DDB1: variants seen among roughly 807,000 people sequenced by gnomAD.
DDB1 encodes the protein DNA damage-binding protein 1.
Under a neutral mutation model 133.1 loss-of-function variants are expected in DDB1, and 18 were observed. That is an observed-to-expected ratio of 0.14 (90% CI 0.09 to 0.20). The LOEUF is 0.20. DDB1 is among the 10% of genes least tolerant of loss of function. The pLI is 1.00. For missense variants in DDB1, 828 were observed against 1,459.2 expected (o/e 0.57, Z 7.05); for synonymous variants, 580 against 550.5 (o/e 1.05, Z -0.75).
At chr11:61,323,134 C>T in intron 7 of DDB1, 40 bp from the exon 8 acceptor site, 1 of 1,537,868 alleles carries the variant, frequency 6.5e-7, no homozygotes. Context: ...TGAGAATGGA[C>T]CCTACGTGGG....
intron 25 of DDB1, 78 bp downstream of exon 25, chr11:61,302,179 C>G: frequency 7.9e-7 from 1 of 1,260,608 alleles, no homozygotes; most frequent in Non-Finnish European, 1.2e-6. Flanking sequence ...CATGTAGTAG[C>G]TTCCGGGTAA....
At position 61,330,085 on chromosome 11, in the gene DDB1, A is replaced by G. The variant is rs200992046; in HGVS notation, c.211-11T>C. 7.9e-5 allele frequency: 126 copies of G among 1,602,092 alleles called. No individual in the cohort carries two copies. Among genetic ancestry groups the G allele is most frequent in the Admixed American group, 1.5e-4 (9 of 59,534 alleles). On this transcript the variant is annotated splice_polypyrimidine_tract_variant and intron_variant, in intron 2 of 26. Transcript: ENST00000301764. ...GTCCTTGCTCTCCCCCTGGAAACCA[A>G]TATTATGCTATCAAAAGAGGTTCTT...
At chr11:61,332,475 TG>T (rs1856404089) in intron 1 of DDB1, 1 of 159,802 alleles carries the variant, frequency 6.3e-6, no homozygotes, top group African/African-American at 2.4e-5. Flanking sequence ...TCTCCCTCTG[TG>T]GGATAATGCG....
chr11:61,322,880 C>T, intron 8 of DDB1, 131 bp downstream of exon 8: 1 of 755,006 alleles, frequency 1.3e-6, no homozygotes, highest in Non-Finnish European at 2.1e-6. Flanking sequence ...GTTAAATTAA[C>T]CAAGTAGAAA....
rs1018941240 is a variant in DDB1, at chr11:61,299,461, T to A, written c.*675A>T. 3.3e-5 allele frequency: 5 copies of A among 152,298 alleles called. No individual in the cohort carries two copies. The highest frequency in any genetic ancestry group is 1.2e-4 in the African/African-American group (5 of 41,452). The allele number at this position is 152,298 out of a possible 1,614,324, so 9.4% of individuals were successfully genotyped here. On this transcript the variant is annotated 3_prime_UTR_variant, in exon 27 of 27. Coordinates refer to ENST00000301764, the MANE Select transcript of DDB1 (RefSeq NM_001923.5). ...AAAAACAAATGTACCTTTCTTCTTA[T>A]ATTCTACTTTATTTGGTAAAACTCA...
chr11:61,301,193 A>G (rs1450336364), intron 25 of DDB1: 6 of 411,214 alleles, frequency 1.5e-5, no homozygotes, highest in South Asian at 5.4e-5. Context: ...TGAAGCCCGT[A>G]TATGTATGGA....
At chr11:61,317,673 A>C (rs1856114500) in intron 10 of DDB1, among the ~76,000 whole-genome samples, 1 of 150,804 alleles carries the variant, frequency 6.6e-6, no homozygotes, top group Non-Finnish European at 1.5e-5. Context: ...CGCCTGGCTA[A>C]TTTTTTCTAT....
At chr11:61,314,584 A>G in intron 12 of DDB1, 98 bp from the exon 13 acceptor site, 1 of 1,196,016 alleles carries the variant, frequency 8.4e-7, no homozygotes, top group South Asian at 1.5e-5. Flanking sequence ...AGCCCTACGA[A>G]TAAGCTACAT....
rs773688759 is a variant in DDB1, at chr11:61,329,951, A to C, written c.327+7T>G. ...AAACTTTCATTGGCCTAAAGCAGCC[A>C]CCTCACCTGGACATTGCCATGGGCT... On this transcript the variant is annotated splice_region_variant and intron_variant, in intron 3 of 26. Coordinates refer to ENST00000301764, the MANE Select transcript of DDB1 (RefSeq NM_001923.5). 3 of 1,607,686 alleles carry C rather than the reference A, an allele frequency of 1.9e-6. No individual in the cohort carries two copies. The highest frequency in any genetic ancestry group is 2.6e-6 in the Non-Finnish European group (3 of 1,175,206).
At chr11:61,331,956 G>C (rs777715841) in intron 1 of DDB1, 3 of 403,558 alleles carry the variant, frequency 7.4e-6, no homozygotes, top group Non-Finnish European at 1.4e-5. Flanking sequence ...GACAATGACT[G>C]CGTAATCCCT....
chr11:61,303,120 A>G lies in DDB1; in HGVS notation c.2868T>C (p.Ala956=), dbSNP rs1473366298. The change falls in exon 23 of 27, where the codon GCT becomes GCC. Residue 956 remains alanine, a synonymous_variant. Coordinates refer to ENST00000301764, the MANE Select transcript of DDB1 (RefSeq NM_001923.5). ...AATTGTCATCATCCAAGATTTCCAC[A>G]GCACTCATCCAGTTGGGATTAAAGT... ...ARDFNPNWMS[A]VEILDDDNFL... The G allele has an allele frequency of 2.5e-6, 4 of 1,614,246 alleles. No homozygotes were observed. The highest frequency in any genetic ancestry group is 3.4e-6 in the Non-Finnish European group (4 of 1,180,040).
Position 61,332,894 on chromosome 11 carries a change from C to T in DDB1, c.61+14G>A. 6.8e-7 allele frequency: 1 copy of T among 1,476,704 alleles called. No individual in the cohort carries two copies. The highest frequency in any genetic ancestry group is 2.8e-5 in the East Asian group (1 of 35,916). 91.5% of individuals were successfully genotyped at this position (1,476,704 alleles called of 1,614,324 possible). ...TCCCTCACTCGCCGGGGTCTCCGGCCCCGGCAGCCTCACCGGTCACGCAGC... is the reference window on the plus strand; with the variant it reads ...TCCCTCACTCGCCGGGGTCTCCGGCTCCGGCAGCCTCACCGGTCACGCAGC... On this transcript the variant is annotated intron_variant, in intron 1 of 26. Transcript: ENST00000301764.
At chr11:61,310,062 G>T in intron 19 of DDB1, 102 bp from the exon 20 acceptor site, 2 of 1,477,272 alleles carry the variant, frequency 1.4e-6, no homozygotes, top group Non-Finnish European at 1.9e-6. Context: ...GTGACAAAGC[G>T]TGTACCACCT....
At chr11:61,330,935 C>T (rs1856356509) in intron 2 of DDB1, among the ~76,000 whole-genome samples, 1 of 152,156 alleles carries the variant, frequency 6.6e-6, no homozygotes, top group Non-Finnish European at 1.5e-5. Context: ...GGGTTACAGG[C>T]GTGAGCCACC....
intron 2 of DDB1, 84 bp from the exon 3 acceptor site, chr11:61,330,158 T>A: frequency 8.6e-7 from 1 of 1,158,840 alleles, no homozygotes; most frequent in Non-Finnish European, 1.2e-6. Context: ...CCAAATTCTT[T>A]AAGAATTTTC....
chr11:61,313,421 T>G (rs1266459079), intron 16 of DDB1, 78 bp downstream of exon 16: 1 of 1,342,048 alleles, frequency 7.5e-7, no homozygotes, highest in Non-Finnish European at 1.0e-6. Flanking sequence ...GGAAAAAGGC[T>G]TTGAGGTAAG....
Position 61,313,486 on chromosome 11 carries a change from A to G in DDB1, c.2069+13T>C, listed in dbSNP as rs1856012616. ...ATCAATAGCTCTCATTAAATAAGGAAAAAGAGACTCACCTGTCAGGATAGC... is the reference window on the plus strand; with the variant it reads ...ATCAATAGCTCTCATTAAATAAGGAGAAAGAGACTCACCTGTCAGGATAGC... On this transcript the variant is annotated intron_variant, in intron 16 of 26. Transcript: ENST00000301764. 6.2e-7 allele frequency: 1 copy of G among 1,610,786 alleles called. No individual in the cohort carries two copies. Among genetic ancestry groups the G allele is most frequent in the South Asian group, 1.1e-5 (1 of 90,860 alleles).
At chr11:61,325,472 C>A in intron 6 of DDB1, 139 bp downstream of exon 6, 1 of 668,980 alleles carries the variant, frequency 1.5e-6, no homozygotes, top group East Asian at 2.8e-5. Context: ...TCCCAATGGC[C>A]AACGCAATAC....
At chr11:61,328,001 A>G (rs1243607387) in intron 4 of DDB1, among the ~76,000 whole-genome samples, 3 of 152,220 alleles carry the variant, frequency 2.0e-5, no homozygotes, top group Non-Finnish European at 1.5e-5. Flanking sequence ...GTTATGACAC[A>G]ACTTTGCAAA....
Sources: gnomAD v4.1 joint callset for allele counts (sites outside exome capture counted in the v4.1 genomes callset) on GRCh38, gnomAD v4.1.1 for gene constraint, MANE v1.5 for transcripts, NCBI Gene and HGNC (gene_info 2026-07-23, HGNC 2026-07-21) for gene names.